FAM133B: variants seen among roughly 807,000 people sequenced by gnomAD.
The protein encoded by FAM133B is protein FAM133B.
In FAM133B, 25 loss-of-function variants were observed where a neutral mutation model predicts 46.4. The observed-to-expected ratio is 0.54, with a 90% CI of 0.39 to 0.75. The LOEUF is 0.75. Ranked by LOEUF, FAM133B falls within the 30% of genes least tolerant of loss-of-function variation. FAM133B has a pLI of 0.00. For synonymous variants in FAM133B, 75 were observed against 86.0 expected, an observed-to-expected ratio of 0.87 and a Z score of 0.71; for missense variants, 205 against 277.6, an observed-to-expected ratio of 0.74 and a Z score of 1.86.
intron 1 of FAM133B, among the ~76,000 whole-genome samples, chr7:92,586,231 T>C (rs1392138263): frequency 6.6e-6 from 1 of 152,216 alleles, no homozygotes; most frequent in Non-Finnish European, 1.5e-5. Context: ...TCTGCTTAAG[T>C]ACACTCCAAA....
chr7:92,585,315 G>T (rs1436607550), intron 1 of FAM133B: 5 of 929,916 alleles, frequency 5.4e-6, no homozygotes, highest in Non-Finnish European at 6.4e-6. Context: ...AAATTTAACT[G>T]GTCTCAGGTT....
At chr7:92,580,119 G>A (rs980511863) in intron 2 of FAM133B, among the ~76,000 whole-genome samples, 3 of 151,872 alleles carry the variant, frequency 2.0e-5, no homozygotes, top group Non-Finnish European at 4.4e-5. Context: ...TGTCACCCAA[G>A]CTAGAATGTA....
intron 3 of FAM133B, 143 bp downstream of exon 3, chr7:92,579,173 CG>C (rs113560614): frequency 0.21 from 125,287 of 607,522 alleles, 13,319 homozygotes; most frequent in African/African-American, 0.36. Flanking sequence ...ACAAGGGCGG[CG>C]GGGGGGGGCC....
chr7:92,562,241 A>G lies in FAM133B; in HGVS notation c.*41T>C. ...TTTCACAGTTGAAATTTCCTCAGAC[A>G]TTGCACTTTCTTTATAAGGGAATCC... On this transcript the variant is annotated 3_prime_UTR_variant, in exon 11 of 11. Transcript: ENST00000445716. The G allele has an allele frequency of 1.3e-6, 2 of 1,498,960 alleles. No homozygotes were observed. The highest frequency in any genetic ancestry group is 1.8e-6 in the Non-Finnish European group (2 of 1,133,652). 92.9% of individuals were successfully genotyped at this position (1,498,960 alleles called of 1,614,324 possible). A position where few individuals can be genotyped will look rare whatever the true frequency, so the allele number is the denominator to read the frequency against.
chr7:92,579,336 A>G lies in FAM133B; in HGVS notation c.182T>C (p.Phe61Ser). ...KKKGSKALAE[F>S]EEKMNENWKK... ...ACAAACCTCATTCATTTTTTCTTCA[A>G]ATTCAGCCAAAGCCTTGGAGCCTTT... The change falls in exon 3 of 11, where the codon TTT becomes TCT. Residue 61 changes from phenylalanine (F) to serine (S), a missense_variant. Transcript: ENST00000445716. 1 of 1,609,288 alleles carries G rather than the reference A, an allele frequency of 6.2e-7. No individual in the cohort carries two copies. The highest frequency in any genetic ancestry group is 8.5e-7 in the Non-Finnish European group (1 of 1,178,802).
At chr7:92,578,717 T>A (rs1794775282) in intron 3 of FAM133B, among the ~76,000 whole-genome samples, 2 of 152,340 alleles carry the variant, frequency 1.3e-5, no homozygotes, top group Admixed American at 6.5e-5. Flanking sequence ...TAATCATTAC[T>A]GTGATTGATA....
intron 3 of FAM133B, chr7:92,579,032 T>C (rs9656005): frequency 0.15 from 43,168 of 282,160 alleles, 3,627 homozygotes; most frequent in African/African-American, 0.18. Context: ...TGATTCTTCT[T>C]CATTTTTTAA....
At chr7:92,577,975 C>T in intron 5 of FAM133B, 175 bp downstream of exon 5, 1 of 687,654 alleles carries the variant, frequency 1.5e-6, no homozygotes, top group African/African-American at 1.8e-5. Flanking sequence ...GTGGTTGGCA[C>T]CGTTTTTTAT....
At chr7:92,580,608 T>C (rs1420752688) in intron 2 of FAM133B, among the ~76,000 whole-genome samples, 1 of 152,266 alleles carries the variant, frequency 6.6e-6, no homozygotes, top group Non-Finnish European at 1.5e-5. Context: ...CTTTGCTCCC[T>C]GTGCCTTTTC....
chr7:92,585,301 T>C lies in FAM133B; in HGVS notation c.25-3698A>G, dbSNP rs1469951990. On this transcript the variant is annotated intron_variant, in intron 1 of 10. Coordinates refer to ENST00000445716, the MANE Select transcript of FAM133B (RefSeq NM_152789.4). ...ATCTTTTTCTTGCTCAAATTACCTT[T>C]GTTAAATTTAACTGGTCTCAGGTTT... 4 of 862,604 alleles carry C rather than the reference T, an allele frequency of 4.6e-6. No individual in the cohort carries two copies. The South Asian group carries it at 1.6e-4, about 35-fold the overall frequency. 53.4% of individuals were successfully genotyped at this position (862,604 alleles called of 1,614,324 possible).
rs552023501 is a variant in FAM133B, at chr7:92,575,335, G to A, written c.516+436C>T. Among the ~76,000 whole-genome samples the A allele has an allele frequency of 5.3e-5, 8 of 152,096 alleles. No homozygotes were observed. The South Asian group carries it at 1.2e-3, about 24-fold the overall frequency. On this transcript the variant is annotated intron_variant, in intron 8 of 10. Coordinates refer to ENST00000445716, the MANE Select transcript of FAM133B (RefSeq NM_152789.4). ...CTAAAAATACAAAAATCAGCTGGGC[G>A]TGGTGACACACACCTGTAGTCCCAG...
intron 2 of FAM133B, among the ~76,000 whole-genome samples, chr7:92,581,218 T>C (rs575357323): frequency 1.3e-5 from 2 of 152,364 alleles, no homozygotes; most frequent in African/African-American, 4.8e-5. Context: ...ACTCACTAAA[T>C]AGCTTTGACC....
In FAM133B at chr7:92,578,353, A is replaced by C. The variant is rs763278114; in HGVS notation, c.242T>G (p.Leu81Ter). The change falls in exon 4 of 11, where the codon TTA becomes TGA. Residue 81 changes from leucine (L) to a stop codon, truncating the protein, a stop_gained. Transcript: ENST00000445716. LOFTEE classifies it high-confidence loss of function. ...TTTGGATGAGCTCTCACTTCCACTT[A>C]ACAATTTCTCCCTGTGTTTTTCCAG... ...KELEKHREKL[L>*]SGSESSSKKR... The C allele has an allele frequency of 6.2e-7, 1 of 1,613,514 alleles. No individual in the cohort carries two copies. Among genetic ancestry groups the C allele is most frequent in the Non-Finnish European group, 8.5e-7 (1 of 1,179,652 alleles).
At chr7:92,566,468 G>GA (rs113291114) in intron 9 of FAM133B, among the ~76,000 whole-genome samples, 109 of 138,224 alleles carry the variant, frequency 7.9e-4, no homozygotes, top group South Asian at 9.2e-4. Context: ...TCTCTACCAA[G>GA]AAAAAAAAAA....
rs534013467 is a variant in FAM133B, at chr7:92,565,798, G to A, written c.657+216C>T. The A allele has an allele frequency of 5.5e-4, 313 of 570,594 alleles. 1 individual carries two copies. Among genetic ancestry groups the A allele is most frequent in the South Asian group, 1.9e-3 (85 of 44,118 alleles). The allele number at this position is 570,594 out of a possible 1,614,324, so 35.3% of individuals were successfully genotyped here. The stretch of plus-strand genomic sequence containing the variant: ...ATTTCTAACAGTAAAATACTGAAAT[G>A]GAAACAGGACATGCTTGCTACCAGG... On this transcript the variant is annotated intron_variant, in intron 10 of 10. Transcript: ENST00000445716.
At chr7:92,571,155 T>C (rs965139902) in intron 8 of FAM133B, among the ~76,000 whole-genome samples, 12 of 152,164 alleles carry the variant, frequency 7.9e-5, no homozygotes, top group African/African-American at 2.7e-4. Flanking sequence ...GATGACTAAA[T>C]CAAAGACCAA....
At chr7:92,582,310 A>AACATAACATAACATAACATAAATAACAT in intron 1 of FAM133B, among the ~76,000 whole-genome samples, 1 of 131,502 alleles carries the variant, frequency 7.6e-6, no homozygotes, top group South Asian at 2.3e-4. Flanking sequence ...TAAATAACAT[A>AACATAACATAACATAACATAAATAACAT]AAATAACATA....
At chr7:92,581,110 T>C (rs1794856031) in intron 2 of FAM133B, among the ~76,000 whole-genome samples, 1 of 152,254 alleles carries the variant, frequency 6.6e-6, no homozygotes, top group African/African-American at 2.4e-5. Flanking sequence ...TCAGTTTTTC[T>C]AATTCATTGA....
intron 9 of FAM133B, among the ~76,000 whole-genome samples, chr7:92,568,728 C>T (rs1480889969): frequency 3.3e-5 from 5 of 151,934 alleles, no homozygotes; most frequent in Admixed American, 2.0e-4. Flanking sequence ...TGCACATTAT[C>T]ATTATTATTT....
Sources: gnomAD v4.1 joint callset for allele counts (sites outside exome capture counted in the v4.1 genomes callset) on GRCh38, gnomAD v4.1.1 for gene constraint, MANE v1.5 for transcripts, NCBI Gene and HGNC (gene_info 2026-07-23, HGNC 2026-07-21) for gene names.